The following BBS9 variants were observed in gnomAD, a reference collection of about 807,000 sequenced individuals.
The protein encoded by BBS9 is Bardet-Biedl syndrome 9.
Under a neutral mutation model 117.7 loss-of-function variants are expected in BBS9, and 89 were observed. The observed-to-expected ratio is 0.76, with a 90% CI of 0.64 to 0.90. BBS9 has a LOEUF of 0.90. BBS9 is among the 40% of genes least tolerant of loss of function. The pLI is 0.00. For synonymous variants in BBS9, 379 were observed against 370.9 expected (o/e 1.02, Z -0.25); for missense variants, 982 against 1,042.2 (o/e 0.94, Z 0.80).
intron 5 of BBS9, among the ~76,000 whole-genome samples, chr7:33,212,914 C>G (rs1788295833): frequency 6.6e-6 from 1 of 152,206 alleles, no homozygotes; most frequent in Admixed American, 6.5e-5. Flanking sequence ...TTTGGTGATG[C>G]AAGCAGTCTT....
chr7:33,392,276 T>C (rs555045738), intron 19 of BBS9, among the ~76,000 whole-genome samples: 1 of 152,358 alleles, frequency 6.6e-6, no homozygotes, highest in Non-Finnish European at 1.5e-5. Flanking sequence ...GGTAGTTCTG[T>C]TGATCTGGGT....
At chr7:33,611,764 T>C (rs1864887320) in intron 21 of BBS9, among the ~76,000 whole-genome samples, 1 of 137,822 alleles carries the variant, frequency 7.3e-6, no homozygotes, top group Admixed American at 7.6e-5. Context: ...TAATATTATA[T>C]AATATTATTA....
chr7:33,200,617 C>G (rs1785680499), intron 5 of BBS9, among the ~76,000 whole-genome samples: 1 of 152,060 alleles, frequency 6.6e-6, no homozygotes, highest in Non-Finnish European at 1.5e-5. Flanking sequence ...GAAGGTTTTC[C>G]TGGCTTTCAC....
intron 19 of BBS9, among the ~76,000 whole-genome samples, chr7:33,458,510 G>A (rs1017413370): frequency 6.6e-6 from 1 of 152,086 alleles, no homozygotes; most frequent in Middle Eastern, 3.4e-3. Flanking sequence ...TTTTCTTTGC[G>A]GAAAATCTTT....
intron 4 of BBS9, among the ~76,000 whole-genome samples, chr7:33,169,934 T>C (rs1198931239): frequency 1.3e-5 from 2 of 152,100 alleles, no homozygotes; most frequent in East Asian, 3.9e-4. Flanking sequence ...CTAGGGTTTT[T>C]ATGGTTTTAG....
chr7:33,359,749 G>A (rs1820284016), intron 16 of BBS9, among the ~76,000 whole-genome samples: 1 of 151,860 alleles, frequency 6.6e-6, no homozygotes, highest in Admixed American at 6.6e-5. Context: ...GCTTTATAGA[G>A]AAGAAATAAA....
intron 1 of BBS9, among the ~76,000 whole-genome samples, chr7:33,134,804 C>T (rs575874098): frequency 6.6e-6 from 1 of 152,216 alleles, no homozygotes; most frequent in South Asian, 2.1e-4. Flanking sequence ...CTTTGTTGCC[C>T]AGGCTCTTCT....
At chr7:33,563,763 G>A (rs761698861) in intron 21 of BBS9, among the ~76,000 whole-genome samples, 1 of 152,164 alleles carries the variant, frequency 6.6e-6, no homozygotes, top group African/African-American at 2.4e-5. Context: ...AGTGATGGTC[G>A]AGGGAAGGAA....
intron 5 of BBS9, among the ~76,000 whole-genome samples, chr7:33,226,076 A>T (rs1791212949): frequency 1.3e-5 from 2 of 152,346 alleles, no homozygotes. Flanking sequence ...GGTGGCAATG[A>T]TTCTCATTCT....
chr7:33,161,657 A>G (rs1463050998), intron 4 of BBS9, among the ~76,000 whole-genome samples: 1 of 152,164 alleles, frequency 6.6e-6, no homozygotes, highest in Non-Finnish European at 1.5e-5. Context: ...TGCTGGGTTA[A>G]ATGGTATTTC....
chr7:33,225,212 T>A (rs1791010376), intron 5 of BBS9, among the ~76,000 whole-genome samples: 1 of 152,182 alleles, frequency 6.6e-6, no homozygotes. Flanking sequence ...TATATTTATT[T>A]TTTGAGACAA....
At chr7:33,586,010 C>G (rs1860825316) in intron 21 of BBS9, among the ~76,000 whole-genome samples, 1 of 151,960 alleles carries the variant, frequency 6.6e-6, no homozygotes, top group African/African-American at 2.4e-5. Flanking sequence ...CACTTTACCT[C>G]TGATGCCTTA....
chr7:33,232,963 T>C (rs551914763), intron 5 of BBS9, among the ~76,000 whole-genome samples: 1 of 152,312 alleles, frequency 6.6e-6, no homozygotes, highest in African/African-American at 2.4e-5. Flanking sequence ...TTCAGGACTT[T>C]ATATGTTAAA....
chr7:33,343,080 C>T (rs1816855541), intron 11 of BBS9, among the ~76,000 whole-genome samples: 1 of 152,096 alleles, frequency 6.6e-6, no homozygotes, highest in Non-Finnish European at 1.5e-5. Context: ...GAATATGAAT[C>T]TCTTAACTTT....
chr7:33,426,790 G>A (rs867545700), intron 19 of BBS9, among the ~76,000 whole-genome samples: 30 of 152,250 alleles, frequency 2.0e-4, no homozygotes, highest in Non-Finnish European at 3.5e-4. Context: ...TGCCTAGTTG[G>A]TATTGGGAGA....
At chr7:33,399,073 A>G (rs1489262913) in intron 19 of BBS9, among the ~76,000 whole-genome samples, 1 of 152,214 alleles carries the variant, frequency 6.6e-6, no homozygotes, top group Admixed American at 6.5e-5. Context: ...ATTTCATAGT[A>G]TGTCTTCAAA....
chr7:33,564,364 T>C (rs1856546581), intron 21 of BBS9, among the ~76,000 whole-genome samples: 1 of 152,204 alleles, frequency 6.6e-6, no homozygotes, highest in South Asian at 2.1e-4. Flanking sequence ...GGGCATTATA[T>C]ATGGAGACAG....
Position 33,351,292 on chromosome 7 carries a change from A to G in BBS9, c.1506A>G (p.Gly502=). 6.2e-7 allele frequency: 1 copy of G among 1,612,716 alleles called. No individual in the cohort carries two copies. Residue 502 remains glycine, a synonymous_variant, in exon 14 of 23, where the codon GGA becomes GGG. Transcript: ENST00000242067. The stretch of plus-strand genomic sequence containing the variant: ...GTTATACACCATCAGAATTGGAAGG[A>G]AATGCTGTTGTTTCTTATTCCAGAC... ...KRSYTPSELE[G]NAVVSYSRPT...
chr7:33,282,092 A>T (rs960050340), intron 9 of BBS9, among the ~76,000 whole-genome samples: 1 of 152,040 alleles, frequency 6.6e-6, no homozygotes, highest in African/African-American at 2.4e-5. Context: ...GGGATTACAG[A>T]TGTGAGCTAC....
Sources: allele counts gnomAD v4.1 joint callset (sites outside exome capture counted in the v4.1 genomes callset), GRCh38; gene constraint gnomAD v4.1.1; transcripts MANE v1.5; gene names NCBI Gene and HGNC (gene_info 2026-07-23, HGNC 2026-07-21).